Variants in CLDN10 observed in about 807,000 individuals in gnomAD.
CLDN10 encodes the protein claudin-10.
In CLDN10, 15 loss-of-function variants were observed where a neutral mutation model predicts 22.9. That is an observed-to-expected ratio of 0.65 (90% confidence interval 0.44 to 1.01). The LOEUF is 1.01. Among genes scored for constraint, CLDN10 ranks in the 50% least tolerant of loss-of-function variants. The pLI, the probability that CLDN10 is intolerant of heterozygous loss-of-function variation, is 0.00. For missense variants in CLDN10, 247 were observed against 287.8 expected, an observed-to-expected ratio of 0.86 and a Z score of 1.03; for synonymous variants, 114 against 111.4, an observed-to-expected ratio of 1.02 and a Z score of -0.15.
chr13:95,519,749 A>T (rs531280773), intron 1 of CLDN10, among the ~76,000 whole-genome samples: 193 of 152,370 alleles, frequency 1.3e-3, no homozygotes, highest in African/African-American at 4.5e-3. Context: ...GACAACAAAT[A>T]AAAGCATTAA....
intron 1 of CLDN10, among the ~76,000 whole-genome samples, chr13:95,454,342 G>A (rs1342794892): frequency 2.0e-5 from 3 of 152,198 alleles, no homozygotes; most frequent in Non-Finnish European, 4.4e-5. Flanking sequence ...TTGGGAGGCT[G>A]AGGCAGAAGA....
chr13:95,530,487 G>A (rs1162468629), intron 1 of CLDN10, among the ~76,000 whole-genome samples: 4 of 152,090 alleles, frequency 2.6e-5, no homozygotes, highest in Non-Finnish European at 5.9e-5. Context: ...TGCCAAGAAG[G>A]ACTTAGAACC....
rs755829409 is a variant in CLDN10 at position 95,579,140 on chromosome 13, C to T, written c.*1126C>T. 4 of 152,172 alleles carry T rather than the reference C, an allele frequency of 2.6e-5. No individual in the cohort carries two copies. The highest frequency in any genetic ancestry group is 4.8e-5 in the African/African-American group (2 of 41,430). 9.4% of individuals were successfully genotyped at this position (152,172 alleles called of 1,614,324 possible). On this transcript the variant is annotated 3_prime_UTR_variant, in exon 5 of 5. Transcript: ENST00000299339. ...AAATTCAAAAAATTGCAACCTCAGG[C>T]ATAAATGGGTTAAGGACATCCCAAG...
intron 1 of CLDN10, among the ~76,000 whole-genome samples, chr13:95,448,719 G>GTATAGTATTTTATTTTATTTTATTT (rs1555349941): frequency 1.4e-5 from 2 of 144,214 alleles, no homozygotes; most frequent in African/African-American, 5.2e-5. Context: ...CTAAGCCATA[G>GTATAGTATTTTATTTTATTTTATTT]TATTTTATTT....
intron 1 of CLDN10, among the ~76,000 whole-genome samples, chr13:95,543,650 G>A (rs1224841744): frequency 3.3e-5 from 5 of 151,822 alleles, no homozygotes; most frequent in Non-Finnish European, 7.4e-5. Context: ...TATGAATTAG[G>A]AAAATTCATA....
chr13:95,527,146 G>A (rs9525008), intron 1 of CLDN10, among the ~76,000 whole-genome samples: 150,624 of 152,280 alleles, frequency 0.99, 74,516 homozygotes, highest in East Asian at 1. Flanking sequence ...GCAGTTCTGC[G>A]ATATAATTTG....
chr13:95,437,112 T>C (rs2042280077), intron 1 of CLDN10, among the ~76,000 whole-genome samples: 1 of 152,162 alleles, frequency 6.6e-6, no homozygotes, highest in Non-Finnish European at 1.5e-5. Context: ...TTCCCATAGC[T>C]AACCCTCTTG....
intron 1 of CLDN10, among the ~76,000 whole-genome samples, chr13:95,444,602 C>T (rs761664968): frequency 1.3e-5 from 2 of 152,186 alleles, no homozygotes; most frequent in South Asian, 4.1e-4. Context: ...GAGGCTTGAA[C>T]TGTCTTGAAA....
chr13:95,455,002 C>G (rs1038216670), intron 1 of CLDN10, among the ~76,000 whole-genome samples: 1 of 151,992 alleles, frequency 6.6e-6, no homozygotes, highest in African/African-American at 2.4e-5. Context: ...GCCTGGGCAA[C>G]GTAGTGAGAC....
intron 1 of CLDN10, among the ~76,000 whole-genome samples, chr13:95,511,079 T>C (rs2043092172): frequency 6.6e-6 from 1 of 152,192 alleles, no homozygotes; most frequent in South Asian, 2.1e-4. Flanking sequence ...ATAAAACATT[T>C]CATGACAGGG....
chr13:95,502,890 T>G (rs2043000547), intron 1 of CLDN10, among the ~76,000 whole-genome samples: 1 of 152,188 alleles, frequency 6.6e-6, no homozygotes, highest in African/African-American at 2.4e-5. Context: ...AAAAAGGTCT[T>G]CAGCAAAGAT....
intron 1 of CLDN10, among the ~76,000 whole-genome samples, chr13:95,435,542 A>G (rs926104925): frequency 6.6e-5 from 10 of 152,172 alleles, no homozygotes; most frequent in African/African-American, 2.4e-4. Flanking sequence ...GGACTTTCCT[A>G]AGTACCCATT....
chr13:95,477,317 T>A (rs145234198), intron 1 of CLDN10, among the ~76,000 whole-genome samples: 1,753 of 152,228 alleles, frequency 0.012, 24 homozygotes, highest in African/African-American at 0.04. Context: ...TTCAGCAGGC[T>A]CTGGGGCATA....
chr13:95,578,187 A>G lies in CLDN10; in HGVS notation c.*173A>G, dbSNP rs1201366262. ...GTTCTTACATAGTTAGTTATATACT[A>G]ATCATTTTCTGTTGTGGCTTTCTAT... On this transcript the variant is annotated 3_prime_UTR_variant, in exon 5 of 5. Transcript: ENST00000299339. 1.4e-5 allele frequency: 6 copies of G among 421,794 alleles called. No individual in the cohort carries two copies. Among genetic ancestry groups the G allele is most frequent in the African/African-American group, 1.2e-4 (6 of 48,914 alleles). 26.1% of individuals were successfully genotyped at this position (421,794 alleles called of 1,614,324 possible). A position where few individuals can be genotyped will look rare whatever the true frequency, so the allele number is the denominator to read the frequency against.
At chr13:95,494,985 T>G (rs909511056) in intron 1 of CLDN10, among the ~76,000 whole-genome samples, 2 of 151,998 alleles carry the variant, frequency 1.3e-5, no homozygotes, top group Non-Finnish European at 2.9e-5. Context: ...AAACCCAAAT[T>G]GTGCAATTAA....
At chr13:95,493,524 C>T (rs796504874) in intron 1 of CLDN10, among the ~76,000 whole-genome samples, 30 of 151,228 alleles carry the variant, frequency 2.0e-4, no homozygotes, top group African/African-American at 6.8e-4. Flanking sequence ...GTGAATCTGA[C>T]ACTCTAGATA....
chr13:95,483,015 A>G (rs144858835), intron 1 of CLDN10, among the ~76,000 whole-genome samples: 6 of 152,364 alleles, frequency 3.9e-5, no homozygotes, highest in Non-Finnish European at 8.8e-5. Context: ...CCCATTAAAC[A>G]TCACGAATTT....
chr13:95,448,017 T>C (rs1338467546), intron 1 of CLDN10, among the ~76,000 whole-genome samples: 1 of 152,168 alleles, frequency 6.6e-6, no homozygotes, highest in African/African-American at 2.4e-5. Context: ...GGGGGTGATC[T>C]GCCATTGCAC....
chr13:95,530,071 T>C (rs1027102694), intron 1 of CLDN10, among the ~76,000 whole-genome samples: 7 of 152,150 alleles, frequency 4.6e-5, no homozygotes, highest in Middle Eastern at 3.2e-3. Context: ...TGCTTTTTAG[T>C]GCCCACAAAC....
Sources: gnomAD v4.1 joint callset for allele counts (sites outside exome capture counted in the v4.1 genomes callset) on GRCh38, gnomAD v4.1.1 for gene constraint, MANE v1.5 for transcripts, NCBI Gene and HGNC (gene_info 2026-07-23, HGNC 2026-07-21) for gene names.